The following FRMD3 variants were observed in gnomAD, a reference collection of about 807,000 sequenced individuals.
The protein encoded by FRMD3 is FERM domain containing 3, also known as FERM domain-containing protein 3.
In FRMD3, 33 loss-of-function variants were observed where a neutral mutation model predicts 70.2. The observed-to-expected ratio is 0.47, with a 90% CI of 0.36 to 0.63. FRMD3 has a LOEUF of 0.63. Among genes scored for constraint, FRMD3 ranks in the 20% least tolerant of loss-of-function variants. The probability of loss-of-function intolerance (pLI) is 0.00; values close to 1 mark genes in which losing one functional copy is unlikely to be tolerated. For synonymous variants in FRMD3, 279 were observed against 255.9 expected (o/e 1.09, Z -0.86); for missense variants, 632 against 711.4 (o/e 0.89, Z 1.27).
Position 83,247,835 on chromosome 9 carries a change from G to A in FRMD3, c.*83C>T, listed in dbSNP as rs1010954395. On this transcript the variant is annotated 3_prime_UTR_variant, in exon 14 of 14. Coordinates refer to ENST00000304195, the MANE Select transcript of FRMD3 (RefSeq NM_174938.6). ...GTAAGGAACACCTGTTGACAGCCCC[G>A]TGACCCTTCAGAACCAGGCATTTGC... The A allele has an allele frequency of 6.5e-5, 100 of 1,548,496 alleles. No individual in the cohort carries two copies. The highest frequency in any genetic ancestry group is 2.1e-4 in the Admixed American group (11 of 53,336).
intron 13 of FRMD3, among the ~76,000 whole-genome samples, chr9:83,261,946 G>A (rs1833014368): frequency 6.6e-6 from 1 of 152,166 alleles, no homozygotes; most frequent in Admixed American, 6.5e-5. Flanking sequence ...GATATTGTGT[G>A]GAGAGGAATA....
intron 6 of FRMD3, among the ~76,000 whole-genome samples, chr9:83,328,983 A>T (rs1836136446): frequency 6.6e-6 from 1 of 152,182 alleles, no homozygotes; most frequent in Non-Finnish European, 1.5e-5. Context: ...TCAATAATAT[A>T]ACCCTCTCTC....
At chr9:83,284,302 A>G (rs1249001418) in intron 13 of FRMD3, among the ~76,000 whole-genome samples, 2 of 152,000 alleles carry the variant, frequency 1.3e-5, no homozygotes, top group African/African-American at 4.8e-5. Flanking sequence ...ACGTAACACA[A>G]AAGAAATTTC....
At chr9:83,580,042 A>G in the FRMD3 span, among the ~76,000 whole-genome samples, 3 of 152,268 alleles carry the variant, frequency 2.0e-5, no homozygotes, top group East Asian at 5.8e-4. Flanking sequence ...GCCCAATGTC[A>G]CTAATTATCA....
chr9:83,516,487 C>G (rs557603802), intron 1 of FRMD3, among the ~76,000 whole-genome samples: 2 of 152,244 alleles, frequency 1.3e-5, no homozygotes, highest in South Asian at 4.1e-4. Flanking sequence ...TCTTAGAGAA[C>G]TACAAAGAGA....
At position 83,538,102 on chromosome 9, in the gene FRMD3, T is replaced by C; in HGVS notation, c.130A>G (p.Ile44Val). The change falls in exon 1 of 14, where the codon ATC becomes GTC. Residue 44 changes from isoleucine to valine, a missense_variant. By Grantham distance (29) the Ile-to-Val change is conservative (BLOSUM62 3). Coordinates refer to ENST00000304195, the MANE Select transcript of FRMD3 (RefSeq NM_174938.6). This position sits in a 1 kb window ranked among gnomAD's most constrained non-coding sequence, Gnocchi z 4.7. ...ACGCGCACCTGGATGTGGCAGGAGA[T>C]CTCCGAGTCGTCCAGCAGCCGGATG... ...CTIRLLDDSE[I>V]SCHIQRETKG... 1 of 1,612,988 alleles carries C rather than the reference T, an allele frequency of 6.2e-7. No homozygotes were observed. Among genetic ancestry groups the C allele is most frequent in the South Asian group, 1.1e-5 (1 of 91,036 alleles).
intron 1 of FRMD3, among the ~76,000 whole-genome samples, chr9:83,485,091 T>C (rs536798580): frequency 2.6e-5 from 4 of 152,326 alleles, no homozygotes; most frequent in South Asian, 4.1e-4. Context: ...ATAAATTCTC[T>C]TAGAGACAAC....
At position 83,449,662 on chromosome 9, in the gene FRMD3, C is replaced by T. The variant is rs868727224; in HGVS notation, c.148-59954G>A. On this transcript the variant is annotated intron_variant, in intron 1 of 13. Transcript: ENST00000304195. Reference sequence around the variant, plus strand: ...ATGTCTGTGGCATTGCACAGTTTGCCAAGCTCAGCTTTGCCAGAGGTGAAA... The same window carrying T: ...ATGTCTGTGGCATTGCACAGTTTGCTAAGCTCAGCTTTGCCAGAGGTGAAA... Among the ~76,000 whole-genome samples, 7 of 152,296 alleles carry T rather than the reference C, an allele frequency of 4.6e-5. No homozygotes were observed. In the South Asian group the frequency reaches 1.2e-3, roughly 27 times the overall value.
At chr9:83,261,102 GACACACACACACACACAC>G (rs59345002) in intron 13 of FRMD3, among the ~76,000 whole-genome samples, 18 of 133,038 alleles carry the variant, frequency 1.4e-4, no homozygotes, top group East Asian at 2.3e-4. Context: ...AGGAAACTTA[GACACACACACACACACAC>G]ACACACACAC....
the FRMD3 span, among the ~76,000 whole-genome samples, chr9:83,553,420 C>T: frequency 1.3e-5 from 2 of 152,142 alleles, no homozygotes; most frequent in African/African-American, 4.8e-5. Context: ...TCTTTCATTT[C>T]AACCTTGGAA....
At chr9:83,357,774 T>G (rs940158304) in intron 3 of FRMD3, among the ~76,000 whole-genome samples, 2 of 152,178 alleles carry the variant, frequency 1.3e-5, no homozygotes, top group African/African-American at 4.8e-5. Context: ...TGGGATTGCT[T>G]GTTTTTTTCT....
chr9:83,479,708 GAA>G (rs1343759023), intron 1 of FRMD3, among the ~76,000 whole-genome samples: 1 of 77,544 alleles, frequency 1.3e-5, no homozygotes, highest in Non-Finnish European at 2.4e-5. Flanking sequence ...AAGAAAGAAA[GAA>G]AGAAAGAAAG....
the FRMD3 span, among the ~76,000 whole-genome samples, chr9:83,552,997 T>G: frequency 6.6e-6 from 1 of 152,162 alleles, no homozygotes; most frequent in African/African-American, 2.4e-5. Context: ...AGGTTAGCAT[T>G]GACATGTGTG....
chr9:83,391,194 G>A (rs2131299810), intron 1 of FRMD3, among the ~76,000 whole-genome samples: 1 of 152,314 alleles, frequency 6.6e-6, no homozygotes, highest in African/African-American at 2.4e-5. Context: ...TCCTTCCTGA[G>A]AAACCATCTG....
chr9:83,477,348 A>G (rs933321385), intron 1 of FRMD3, among the ~76,000 whole-genome samples: 2 of 152,158 alleles, frequency 1.3e-5, no homozygotes, highest in Non-Finnish European at 2.9e-5. Context: ...ACCAATCAGG[A>G]TGGCATAATG....
rs1186171198 is a variant in FRMD3 at position 83,245,954 on chromosome 9, A to ATCTT, written c.*1960_*1963dup. ...TCAACTTTCAGGTAATAAACAAACA[A>ATCTT]TCTTTATTTAAAAAGCAAAATAAAT... is the stretch of plus-strand genomic sequence containing the variant. On this transcript the variant is annotated 3_prime_UTR_variant, in exon 14 of 14. Transcript: ENST00000304195. The ATCTT allele has an allele frequency of 2.0e-6, 2 of 981,696 alleles. No individual in the cohort carries two copies. Among genetic ancestry groups the ATCTT allele is most frequent in the Non-Finnish European group, 2.4e-6 (2 of 826,664 alleles). The allele number at this position is 981,696 out of a possible 1,614,324, so 60.8% of individuals were successfully genotyped here.
At chr9:83,447,980 G>A (rs917147815) in intron 1 of FRMD3, among the ~76,000 whole-genome samples, 1 of 152,170 alleles carries the variant, frequency 6.6e-6, no homozygotes, top group Admixed American at 6.5e-5. Flanking sequence ...CTCCATAAAT[G>A]TGTCTTTTTC....
intron 1 of FRMD3, among the ~76,000 whole-genome samples, chr9:83,448,196 A>G (rs913527941): frequency 6.6e-6 from 1 of 152,150 alleles, no homozygotes; most frequent in Non-Finnish European, 1.5e-5. Context: ...ATTCTTAAAT[A>G]CACTTCTCTA....
chr9:83,341,276 T>C (rs1587744169), intron 5 of FRMD3, among the ~76,000 whole-genome samples: 1 of 152,302 alleles, frequency 6.6e-6, no homozygotes, highest in Non-Finnish European at 1.5e-5. Flanking sequence ...CCCACTCTAC[T>C]TTCTCCACAG....
Sources: allele counts gnomAD v4.1 joint callset (sites outside exome capture counted in the v4.1 genomes callset), GRCh38; gene constraint gnomAD v4.1.1; non-coding constraint Gnocchi (gnomAD v3.1); transcripts MANE v1.5; gene names NCBI Gene and HGNC (gene_info 2026-07-23, HGNC 2026-07-21).